The following PLEKHM3 variants were observed in gnomAD, a reference collection of about 807,000 sequenced individuals.
PLEKHM3 encodes pleckstrin homology domain containing M3.
Under a neutral mutation model 81.8 loss-of-function variants are expected in PLEKHM3, and 45 were observed. The observed-to-expected ratio is 0.55, with a 90% CI of 0.43 to 0.71. The LOEUF (loss-of-function observed/expected upper bound fraction) is 0.71, where lower values mean the gene tolerates loss of function less well. Among genes scored for constraint, PLEKHM3 ranks in the 30% least tolerant of loss-of-function variants. The pLI, the probability that PLEKHM3 is intolerant of heterozygous loss-of-function variation, is 0.00. For synonymous variants in PLEKHM3, 352 were observed against 356.4 expected (o/e 0.99, Z 0.14); for missense variants, 788 against 924.3 (o/e 0.85, Z 1.91).
At chr2:208,022,657 G>A (rs544567356) in intron 1 of PLEKHM3, among the ~76,000 whole-genome samples, 6 of 152,086 alleles carry the variant, frequency 3.9e-5, no homozygotes, top group Non-Finnish European at 8.8e-5. Flanking sequence ...CTTCGAAGCC[G>A]CAACACAGTA....
chr2:207,977,231 T>G lies in PLEKHM3; in HGVS notation c.966A>C (p.Thr322=). 6.2e-7 allele frequency: 1 copy of G among 1,614,148 alleles called. No individual in the cohort carries two copies. The highest frequency in any genetic ancestry group is 8.5e-7 in the Non-Finnish European group (1 of 1,180,014). The change falls in exon 3 of 8, where the codon ACA becomes ACC. Residue 322 remains threonine (T), a synonymous_variant. Transcript: ENST00000427836. ...PGYMGRQNEL[T]ISPGLGHHDD... Reference sequence around the variant, plus strand: ...CATGATGGCCAAGCCCTGGTGAGATTGTCAGCTCATTCTGCCGCCCCATGT... The same window carrying G: ...CATGATGGCCAAGCCCTGGTGAGATGGTCAGCTCATTCTGCCGCCCCATGT...
intron 1 of PLEKHM3, among the ~76,000 whole-genome samples, chr2:208,007,605 A>G (rs1490525505): frequency 6.6e-6 from 1 of 152,200 alleles, no homozygotes; most frequent in African/African-American, 2.4e-5. Flanking sequence ...TGCCACATAC[A>G]TAAAGAGCAT....
chr2:207,860,266 C>T (rs1402471287), intron 7 of PLEKHM3, among the ~76,000 whole-genome samples: 1 of 151,016 alleles, frequency 6.6e-6, no homozygotes, highest in Non-Finnish European at 1.5e-5. Context: ...CCCAAATTCC[C>T]GCATGTTTAC....
chr2:207,927,725 G>A (rs915835635), intron 5 of PLEKHM3, among the ~76,000 whole-genome samples: 1 of 151,936 alleles, frequency 6.6e-6, no homozygotes, highest in Non-Finnish European at 1.5e-5. Flanking sequence ...AGCTACCCAG[G>A]AGGCTGAGGC....
intron 6 of PLEKHM3, among the ~76,000 whole-genome samples, chr2:207,885,467 G>A (rs999371030): frequency 4.6e-5 from 7 of 152,124 alleles, no homozygotes; most frequent in African/African-American, 1.4e-4. Context: ...TCTGAAATCC[G>A]ATGTAAAATA....
At chr2:207,967,093 T>C (rs1006351821) in intron 3 of PLEKHM3, among the ~76,000 whole-genome samples, 1 of 152,118 alleles carries the variant, frequency 6.6e-6, no homozygotes, top group African/African-American at 2.4e-5. Context: ...AAATAATCCT[T>C]TTACCTCAGT....
At chr2:207,880,959 A>T (rs1479220782) in intron 6 of PLEKHM3, among the ~76,000 whole-genome samples, 2 of 151,356 alleles carry the variant, frequency 1.3e-5, no homozygotes, top group African/African-American at 2.4e-5. Flanking sequence ...TATACTGTTG[A>T]TGGGTATAGG....
chr2:207,966,714 G>A (rs1690924467), intron 3 of PLEKHM3, among the ~76,000 whole-genome samples: 1 of 151,926 alleles, frequency 6.6e-6, no homozygotes, highest in South Asian at 2.1e-4. Context: ...CACCATGCCC[G>A]GCTAATTTTT....
Position 207,822,522 on chromosome 2 carries a change from G to A in PLEKHM3, c.*5797C>T, listed in dbSNP as rs2092224142. On this transcript the variant is annotated 3_prime_UTR_variant, in exon 8 of 8. Coordinates refer to ENST00000427836, the MANE Select transcript of PLEKHM3 (RefSeq NM_001080475.3). Reference sequence around the variant, plus strand: ...CGATTGAAGAACAGCATAAAACAAAGTGAAAACATTATGTGGTTGCATCTT... The same window carrying A: ...CGATTGAAGAACAGCATAAAACAAAATGAAAACATTATGTGGTTGCATCTT... 6.5e-6 allele frequency: 1 copy of A among 153,062 alleles called. No homozygotes were observed. The highest frequency in any genetic ancestry group is 2.1e-4 in the South Asian group (1 of 4,834). The allele number at this position is 153,062 out of a possible 1,614,324, so 9.5% of individuals were successfully genotyped here. A position where few individuals can be genotyped will look rare whatever the true frequency, so the allele number is the denominator to read the frequency against.
chr2:207,997,333 G>A (rs1193195466), intron 2 of PLEKHM3, among the ~76,000 whole-genome samples: 1 of 152,128 alleles, frequency 6.6e-6, no homozygotes, highest in Non-Finnish European at 1.5e-5. Flanking sequence ...AAGACGCAGA[G>A]GCCCTACCTG....
At chr2:207,861,298 AT>A in intron 6 of PLEKHM3, 36 bp from the exon 7 acceptor site, 1 of 1,604,766 alleles carries the variant, frequency 6.2e-7, no homozygotes, top group Non-Finnish European at 8.5e-7. Context: ...AAGCACATTT[AT>A]TGAGAACAGA....
chr2:207,885,566 T>TTCTCTACTCCCCTGAA (rs1231108018), intron 6 of PLEKHM3, among the ~76,000 whole-genome samples: 1 of 152,218 alleles, frequency 6.6e-6, no homozygotes, highest in Non-Finnish European at 1.5e-5. Context: ...ATTTTGTAGC[T>TTCTCTACTCCCCTGAA]TCTCTACTCC....
chr2:207,921,682 T>G (rs1186178360), intron 5 of PLEKHM3, among the ~76,000 whole-genome samples: 1 of 152,222 alleles, frequency 6.6e-6, no homozygotes, highest in East Asian at 1.9e-4. Flanking sequence ...CTTCCCCACC[T>G]CTAGTGACCA....
chr2:208,023,744 G>A (rs1358467656), intron 1 of PLEKHM3, among the ~76,000 whole-genome samples: 3 of 151,964 alleles, frequency 2.0e-5, no homozygotes, highest in African/African-American at 4.8e-5. Flanking sequence ...ATGGTCTTCC[G>A]GTCCCTGGTG....
At chr2:208,005,624 T>A (rs1039697272) in intron 1 of PLEKHM3, among the ~76,000 whole-genome samples, 1 of 152,228 alleles carries the variant, frequency 6.6e-6, no homozygotes. Flanking sequence ...ATGTTAACCT[T>A]GATCACCTGG....
chr2:207,821,840 A>C lies in PLEKHM3; in HGVS notation c.*6479T>G, dbSNP rs2092219530. 6.6e-6 allele frequency: 1 copy of C among 152,122 alleles called. No individual in the cohort carries two copies. The highest frequency in any genetic ancestry group is 2.4e-5 in the African/African-American group (1 of 41,410). The allele number at this position is 152,122 out of a possible 1,614,324, so 9.4% of individuals were successfully genotyped here. On this transcript the variant is annotated 3_prime_UTR_variant, in exon 8 of 8. Transcript: ENST00000427836. Reference sequence around the variant, plus strand: ...GTGATCCTCCCACCCCAGCCTCCCAAAGAGCTGGGATTACAGGTGTGAGCC... The same window carrying C: ...GTGATCCTCCCACCCCAGCCTCCCACAGAGCTGGGATTACAGGTGTGAGCC...
chr2:207,830,571 C>T (rs541173399), intron 7 of PLEKHM3, among the ~76,000 whole-genome samples: 39 of 149,112 alleles, frequency 2.6e-4, no homozygotes, highest in African/African-American at 9.5e-4. Context: ...CACACCACTG[C>T]ACTCTAGCCT....
At chr2:207,961,700 C>A (rs544882476) in intron 3 of PLEKHM3, among the ~76,000 whole-genome samples, 1 of 152,156 alleles carries the variant, frequency 6.6e-6, no homozygotes, top group Non-Finnish European at 1.5e-5. Context: ...CTCTGAGTTG[C>A]GGCTCTGAGA....
intron 2 of PLEKHM3, among the ~76,000 whole-genome samples, chr2:207,987,753 C>T (rs914062673): frequency 1.1e-4 from 17 of 152,252 alleles, no homozygotes; most frequent in African/African-American, 4.1e-4. Flanking sequence ...TCATTCTTTA[C>T]ACAGGCATTT....
Sources: allele counts gnomAD v4.1 joint callset (sites outside exome capture counted in the v4.1 genomes callset), GRCh38; gene constraint gnomAD v4.1.1; transcripts MANE v1.5; gene names NCBI Gene and HGNC (gene_info 2026-07-23, HGNC 2026-07-21).